RBFOX1: variants seen among roughly 807,000 people sequenced by gnomAD.
The protein encoded by RBFOX1 is RNA binding protein fox-1 homolog 1.
A neutral mutation model predicts 57.7 loss-of-function variants in RBFOX1; 8 were observed. The observed-to-expected ratio is 0.14, with a 90% CI of 0.08 to 0.25. The LOEUF (loss-of-function observed/expected upper bound fraction) is 0.25, where lower values mean the gene tolerates loss of function less well. Ranked by LOEUF, RBFOX1 falls within the 10% of genes least tolerant of loss-of-function variation. The probability of loss-of-function intolerance (pLI) is 1.00; values close to 1 mark genes in which losing one functional copy is unlikely to be tolerated. For synonymous variants in RBFOX1, 326 were observed against 222.4 expected (o/e 1.47, Z -4.15); for missense variants, 611 against 548.5 (o/e 1.11, Z -1.14).
chr16:6,947,691 T>C (rs1425639006), intron 3 of RBFOX1, among the ~76,000 whole-genome samples: 1 of 152,264 alleles, frequency 6.6e-6, no homozygotes, highest in African/African-American at 2.4e-5. Context: ...ATGACTTCTC[T>C]GAGCCTCAGT....
At chr16:6,675,834 A>C (rs985009375) in intron 3 of RBFOX1, among the ~76,000 whole-genome samples, 1 of 152,100 alleles carries the variant, frequency 6.6e-6, no homozygotes, top group Non-Finnish European at 1.5e-5. Context: ...GGCCCCTCCC[A>C]CAACAAATGG....
chr16:7,519,612 C>T lies in RBFOX1; in HGVS notation c.270+1223C>T, dbSNP rs188170245. The T allele has an allele frequency of 4.7e-4, 356 of 761,850 alleles. 1 individual carries two copies. The highest frequency in any genetic ancestry group is 4.8e-4 in the Non-Finnish European group (302 of 626,358). The allele number at this position is 761,850 out of a possible 1,614,324, so 47.2% of individuals were successfully genotyped here. On this transcript the variant is annotated intron_variant, in intron 5 of 15. Coordinates refer to ENST00000550418, the MANE Select transcript of RBFOX1 (RefSeq NM_018723.4). ...GTGCCACCTAAAGTAATCATGCATA[C>T]CACAAAACCTGTATGGAACATGCAT...
intron 2 of RBFOX1, among the ~76,000 whole-genome samples, chr16:5,580,326 T>C (rs74332379): frequency 0.023 from 3,433 of 152,280 alleles, 61 homozygotes; most frequent in Non-Finnish European, 0.034. Flanking sequence ...CAGGGACTGA[T>C]TGGTAATTGA....
chr16:5,925,308 G>A (rs932100347), intron 4 of RBFOX1, among the ~76,000 whole-genome samples: 1 of 152,130 alleles, frequency 6.6e-6, no homozygotes, highest in Admixed American at 6.6e-5. Context: ...CCATACAGTG[G>A]GATATTATTC....
chr16:7,174,257 T>C (rs539303141), intron 4 of RBFOX1, among the ~76,000 whole-genome samples: 7 of 152,328 alleles, frequency 4.6e-5, no homozygotes, highest in African/African-American at 1.7e-4. Flanking sequence ...ACTTTGTTTC[T>C]TTATTATTGA....
chr16:5,631,797 T>G (rs2048516618), intron 3 of RBFOX1, among the ~76,000 whole-genome samples: 1 of 152,170 alleles, frequency 6.6e-6, no homozygotes, highest in South Asian at 2.1e-4. Flanking sequence ...GAAAGGAAGT[T>G]GAGCATTGTC....
At chr16:6,846,588 A>G (rs895534950) in intron 3 of RBFOX1, among the ~76,000 whole-genome samples, 2 of 152,218 alleles carry the variant, frequency 1.3e-5, no homozygotes, top group African/African-American at 4.8e-5. Context: ...GGAGCTACAA[A>G]TGTGGAAACG....
chr16:6,900,586 C>T (rs1467942068), intron 3 of RBFOX1, among the ~76,000 whole-genome samples: 1 of 152,142 alleles, frequency 6.6e-6, no homozygotes, highest in East Asian at 1.9e-4. Flanking sequence ...TAGTCTTTTC[C>T]AGTTTTAGCA....
At chr16:6,961,144 C>CA (rs201264660) in intron 3 of RBFOX1, among the ~76,000 whole-genome samples, 133 of 148,006 alleles carry the variant, frequency 9.0e-4, no homozygotes, top group East Asian at 8.7e-3. Context: ...ATCACACACA[C>CA]CCACACAGAC....
At chr16:6,834,382 C>T (rs1055429010) in intron 3 of RBFOX1, among the ~76,000 whole-genome samples, 23 of 151,908 alleles carry the variant, frequency 1.5e-4, no homozygotes, top group African/African-American at 4.1e-4. Flanking sequence ...TGGCCCTGAT[C>T]CAAAAAATAT....
intron 4 of RBFOX1, among the ~76,000 whole-genome samples, chr16:7,448,631 G>A (rs575421676): frequency 1.1e-4 from 16 of 152,242 alleles, no homozygotes; most frequent in Admixed American, 5.2e-4. Flanking sequence ...TTTGGCTGGG[G>A]GCACAGCATA....
intron 3 of RBFOX1, among the ~76,000 whole-genome samples, chr16:6,880,642 CAAATA>C (rs2062748823): frequency 6.6e-6 from 1 of 152,092 alleles, no homozygotes; most frequent in Non-Finnish European, 1.5e-5. Flanking sequence ...AAAATCAACC[CAAATA>C]AAATTAGCAG....
At chr16:7,564,196 G>A (rs760810201) in intron 5 of RBFOX1, among the ~76,000 whole-genome samples, 1 of 152,074 alleles carries the variant, frequency 6.6e-6, no homozygotes, top group Admixed American at 6.5e-5. Context: ...ATCCATACAG[G>A]AGGCAGAGAT....
At chr16:6,160,637 C>T (rs1371085553) in intron 1 of RBFOX1, among the ~76,000 whole-genome samples, 4 of 152,198 alleles carry the variant, frequency 2.6e-5, no homozygotes, top group Non-Finnish European at 5.9e-5. Context: ...GTGGCTTTAT[C>T]ACACAATGGT....
At chr16:6,555,163 A>C (rs939674803) in intron 2 of RBFOX1, among the ~76,000 whole-genome samples, 1 of 152,174 alleles carries the variant, frequency 6.6e-6, no homozygotes, top group African/African-American at 2.4e-5. Context: ...CATTTCTATC[A>C]TAAATACTCT....
chr16:5,362,715 A>T (rs140776595), intron 1 of RBFOX1, among the ~76,000 whole-genome samples: 2,337 of 152,072 alleles, frequency 0.015, 65 homozygotes, highest in African/African-American at 0.053. Flanking sequence ...CTCTCCCCTC[A>T]GCCCCCGACA....
chr16:6,020,404 G>T (rs762990982), intron 1 of RBFOX1, among the ~76,000 whole-genome samples: 45 of 152,268 alleles, frequency 3.0e-4, no homozygotes, highest in Non-Finnish European at 5.3e-4. Flanking sequence ...CCGCCCGCAG[G>T]GTGTGCAGGA....
intron 5 of RBFOX1, among the ~76,000 whole-genome samples, chr16:7,561,395 A>G (rs566589928): frequency 2.0e-5 from 3 of 152,180 alleles, no homozygotes; most frequent in Non-Finnish European, 2.9e-5. Flanking sequence ...AGGCATTTCT[A>G]TTTTCAGAGT....
At chr16:5,786,173 C>A (rs529432757) in intron 3 of RBFOX1, among the ~76,000 whole-genome samples, 14 of 152,332 alleles carry the variant, frequency 9.2e-5, no homozygotes, top group African/African-American at 2.9e-4. Context: ...CCTGCCTCCA[C>A]TGTGTTCTCT....
Sources: gnomAD v4.1 joint callset for allele counts (sites outside exome capture counted in the v4.1 genomes callset) on GRCh38, gnomAD v4.1.1 for gene constraint, MANE v1.5 for transcripts, NCBI Gene and HGNC (gene_info 2026-07-23, HGNC 2026-07-21) for gene names.